The following RASGRF2 variants were observed in gnomAD, a reference collection of about 807,000 sequenced individuals.
RASGRF2 encodes the protein Ras protein specific guanine nucleotide releasing factor 2.
Under a neutral mutation model 151.0 loss-of-function variants are expected in RASGRF2, and 76 were observed. The observed-to-expected ratio is 0.50, with a 90% confidence interval of 0.42 to 0.61. RASGRF2 has a LOEUF of 0.61. Ranked by LOEUF, RASGRF2 falls within the 20% of genes least tolerant of loss-of-function variation. The pLI, the probability that RASGRF2 is intolerant of heterozygous loss-of-function variation, is 0.00. For missense variants in RASGRF2, 1,148 were observed against 1,564.6 expected, an observed-to-expected ratio of 0.73 and a Z score of 4.49; for synonymous variants, 504 against 566.5, an observed-to-expected ratio of 0.89 and a Z score of 1.57.
chr5:80,963,861 T>TC (rs1747640347), intron 1 of RASGRF2, among the ~76,000 whole-genome samples: 2 of 152,200 alleles, frequency 1.3e-5, no homozygotes, highest in African/African-American at 4.8e-5. Flanking sequence ...CTTGGGAGCT[T>TC]AAAGTCCACA....
intron 9 of RASGRF2, among the ~76,000 whole-genome samples, chr5:81,090,350 C>T (rs868860502): frequency 3.3e-5 from 5 of 152,188 alleles, no homozygotes; most frequent in South Asian, 4.2e-4. Context: ...TTAGAGAGAC[C>T]GATGACCAGG....
chr5:81,022,594 T>A (rs1224048218), intron 1 of RASGRF2, among the ~76,000 whole-genome samples: 2 of 152,156 alleles, frequency 1.3e-5, no homozygotes, highest in Non-Finnish European at 2.9e-5. Context: ...TTTATCCAAG[T>A]GGGGAGAAGC....
chr5:81,095,102 C>G, intron 12 of RASGRF2, 110 bp downstream of exon 12: 1 of 720,354 alleles, frequency 1.4e-6, no homozygotes, highest in Admixed American at 4.3e-5. Flanking sequence ...CACTCAGTTG[C>G]TATGGTCACT....
chr5:81,075,046 C>A (rs1259024986), intron 5 of RASGRF2, among the ~76,000 whole-genome samples: 1 of 152,192 alleles, frequency 6.6e-6, no homozygotes, highest in African/African-American at 2.4e-5. Flanking sequence ...CTCTCTCTGG[C>A]TTCTCTGCTG....
In RASGRF2 at chr5:81,126,984, A is replaced by C. The variant is rs186052391; in HGVS notation, c.2597-90A>C. ...TACAGGGCATTTGGCCCAGTCCTTCATCTGGTGCAGGAAGAAAAATGATGA... is the reference window on the plus strand; with the variant it reads ...TACAGGGCATTTGGCCCAGTCCTTCCTCTGGTGCAGGAAGAAAAATGATGA... On this transcript the variant is annotated intron_variant, in intron 16 of 26. Coordinates refer to ENST00000265080, the MANE Select transcript of RASGRF2 (RefSeq NM_006909.3). 312 of 1,424,328 alleles carry C rather than the reference A, an allele frequency of 2.2e-4. 1 individual carries two copies. Among genetic ancestry groups the C allele is most frequent in the Admixed American group, 7.7e-4 (43 of 55,712 alleles). The allele number at this position is 1,424,328 out of a possible 1,614,324, so 88.2% of individuals were successfully genotyped here.
intron 1 of RASGRF2, among the ~76,000 whole-genome samples, chr5:81,013,277 C>T (rs1561554104): frequency 6.6e-6 from 1 of 152,192 alleles, no homozygotes. Flanking sequence ...ATTCAGGGTC[C>T]AGCCAAAGAT....
intron 10 of RASGRF2, 76 bp downstream of exon 10, chr5:81,093,037 T>C: frequency 7.1e-7 from 1 of 1,403,768 alleles, no homozygotes; most frequent in Non-Finnish European, 9.7e-7. Context: ...TTTGAGACTT[T>C]CCCATGCTTG....
chr5:81,040,540 T>C (rs1158157240), intron 1 of RASGRF2, among the ~76,000 whole-genome samples: 1 of 152,224 alleles, frequency 6.6e-6, no homozygotes, highest in Non-Finnish European at 1.5e-5. Context: ...TTTTCTAGTC[T>C]CTGTTACACG....
chr5:81,040,414 T>G (rs886206105), intron 1 of RASGRF2, among the ~76,000 whole-genome samples: 13 of 152,250 alleles, frequency 8.5e-5, no homozygotes, highest in African/African-American at 2.7e-4. Flanking sequence ...CTACTACTGA[T>G]AGTAATATTA....
In RASGRF2 at chr5:81,023,556, G is replaced by A. The variant is rs1469646497; in HGVS notation, c.289-19321G>A. On this transcript the variant is annotated intron_variant, in intron 1 of 26. Transcript: ENST00000265080. ...ATAATGATTTGCAGGCACATGCAGA[G>A]GCAGTGTTTGATTTTTTTGTGATTT... 2.1e-5 allele frequency among the ~76,000 whole-genome samples: 3 copies of A among 144,968 alleles called. No homozygotes were observed. In the East Asian group the frequency reaches 5.8e-4, roughly 28 times the overall value.
intron 13 of RASGRF2, among the ~76,000 whole-genome samples, chr5:81,111,322 T>C (rs999189383): frequency 1.3e-5 from 2 of 152,214 alleles, no homozygotes; most frequent in African/African-American, 4.8e-5. Context: ...TGAAAGCTAC[T>C]GGTGGTCCTC....
In RASGRF2 at chr5:80,995,717, G is replaced by A. The variant is rs558663180; in HGVS notation, c.288+34691G>A. On this transcript the variant is annotated intron_variant, in intron 1 of 26. Coordinates refer to ENST00000265080, the MANE Select transcript of RASGRF2 (RefSeq NM_006909.3). The stretch of plus-strand genomic sequence containing the variant: ...CCTTTTTTTTTTTTTTTTTGAGATG[G>A]AGTCTCCGTCTGTCGCCCAGGCTGG... 2.1e-3 allele frequency among the ~76,000 whole-genome samples: 221 copies of A among 103,800 alleles called. 4 individuals are homozygous for A. Among genetic ancestry groups the A allele is most frequent in the Non-Finnish European group, 1.3e-3 (70 of 54,934 alleles). 68.1% of individuals were successfully genotyped at this position (103,800 alleles called of 152,430 possible). A position where few individuals can be genotyped will look rare whatever the true frequency, so the allele number is the denominator to read the frequency against.
At chr5:80,980,457 C>G (rs1213830000) in intron 1 of RASGRF2, among the ~76,000 whole-genome samples, 6 of 152,092 alleles carry the variant, frequency 3.9e-5, no homozygotes, top group Non-Finnish European at 7.3e-5. Flanking sequence ...CTGGCCAACA[C>G]GGTGAAACCC....
At chr5:81,218,915 C>A (rs967915220) in intron 25 of RASGRF2, among the ~76,000 whole-genome samples, 1 of 152,038 alleles carries the variant, frequency 6.6e-6, no homozygotes, top group African/African-American at 2.4e-5. Context: ...TTGTAGAGGT[C>A]TTTCGATTCC....
chr5:81,022,310 C>CAG (rs1749856631), intron 1 of RASGRF2, among the ~76,000 whole-genome samples: 1 of 152,170 alleles, frequency 6.6e-6, no homozygotes, highest in Admixed American at 6.5e-5. Context: ...CAGTCATCCA[C>CAG]AGGATAGTTG....
intron 1 of RASGRF2, among the ~76,000 whole-genome samples, chr5:80,971,984 C>CT (rs1219355150): frequency 6.6e-6 from 1 of 152,106 alleles, no homozygotes; most frequent in East Asian, 1.9e-4. Context: ...ATCCTCCCAC[C>CT]TTGGCCTCCC....
intron 2 of RASGRF2, among the ~76,000 whole-genome samples, chr5:81,059,083 C>T (rs11746440): frequency 0.19 from 29,133 of 151,948 alleles, 2,977 homozygotes; most frequent in Admixed American, 0.28. Flanking sequence ...AGTGGGATCC[C>T]GTTAAAAACT....
chr5:81,146,827 A>G (rs1055298433), intron 17 of RASGRF2, among the ~76,000 whole-genome samples: 5 of 152,120 alleles, frequency 3.3e-5, no homozygotes, highest in East Asian at 1.9e-4. Context: ...CCTCCACCCA[A>G]ATTCAAAGTG....
At chr5:81,092,674 G>C (rs1561605015) in intron 9 of RASGRF2, 127 bp from the exon 10 acceptor site, 1 of 831,344 alleles carries the variant, frequency 1.2e-6, no homozygotes, top group African/African-American at 1.7e-5. Flanking sequence ...TACTTGTTCT[G>C]ATGATGTGTC....
Sources: allele counts gnomAD v4.1 joint callset (sites outside exome capture counted in the v4.1 genomes callset), GRCh38; gene constraint gnomAD v4.1.1; transcripts MANE v1.5; gene names NCBI Gene and HGNC (gene_info 2026-07-23, HGNC 2026-07-21).